The following POT1 variants were observed in gnomAD, a reference collection of about 807,000 sequenced individuals.
The protein encoded by POT1 is protection of telomeres protein 1.
Under a neutral mutation model 78.5 loss-of-function variants are expected in POT1, and 47 were observed. That is an observed-to-expected ratio of 0.60 (90% CI 0.47 to 0.76). The LOEUF (loss-of-function observed/expected upper bound fraction) is 0.76, where lower values mean the gene tolerates loss of function less well. POT1 is among the 30% of genes least tolerant of loss of function. The pLI is 0.00. For synonymous variants in POT1, 259 were observed against 260.7 expected (o/e 0.99, Z 0.06); for missense variants, 646 against 749.9 (o/e 0.86, Z 1.62).
chr7:124,874,240 G>T (rs1347962531), intron 6 of POT1, among the ~76,000 whole-genome samples: 1 of 152,080 alleles, frequency 6.6e-6, no homozygotes, highest in Non-Finnish European at 1.5e-5. Context: ...CAGCCTAGTT[G>T]GAAGTTCTCA....
At chr7:124,918,746 C>G (rs551857033) in intron 2 of POT1, among the ~76,000 whole-genome samples, 1 of 152,216 alleles carries the variant, frequency 6.6e-6, no homozygotes, top group South Asian at 2.1e-4. Context: ...TAGCTATTCC[C>G]TTAAATTCCA....
At chr7:124,834,349 C>CCAT (rs1361222159) in intron 15 of POT1, among the ~76,000 whole-genome samples, 18 of 151,900 alleles carry the variant, frequency 1.2e-4, no homozygotes, top group Admixed American at 1.1e-3. Context: ...TTTTTGCAAT[C>CCAT]CATCTGACAA....
intron 11 of POT1, among the ~76,000 whole-genome samples, chr7:124,848,043 A>G (rs1010203290): frequency 1.3e-5 from 2 of 152,240 alleles, no homozygotes; most frequent in African/African-American, 4.8e-5. Context: ...ATTAAAAAGG[A>G]AACAAACTAA....
At position 124,900,427 on chromosome 7, in the gene POT1, C is replaced by A. The variant is rs906700877; in HGVS notation, c.-153-2053G>T. On this transcript the variant is annotated intron_variant, in intron 3 of 18. Coordinates refer to ENST00000357628, the MANE Select transcript of POT1 (RefSeq NM_015450.3). ...CTACCTTCCTCTAAACTCTCCTATA[C>A]AGCGTTTTAGCATTTTTCACTTTGT... Among the ~76,000 whole-genome samples the A allele has an allele frequency of 2.0e-5, 3 of 152,116 alleles. No homozygotes were observed. The East Asian group carries it at 5.8e-4, about 29-fold the overall frequency.
intron 6 of POT1, among the ~76,000 whole-genome samples, chr7:124,876,242 T>C (rs1038452728): frequency 1.3e-5 from 2 of 152,252 alleles, no homozygotes; most frequent in African/African-American, 4.8e-5. Flanking sequence ...GACTTTGCTA[T>C]GTTTATATCC....
At chr7:124,860,404 TGTTA>T (rs1795561866) in intron 8 of POT1, among the ~76,000 whole-genome samples, 2 of 152,198 alleles carry the variant, frequency 1.3e-5, no homozygotes, top group African/African-American at 4.8e-5. Context: ...AATTCTCTAT[TGTTA>T]GTATTTGTTT....
At chr7:124,892,525 C>T (rs532250717) in intron 5 of POT1, 145 bp from the exon 6 acceptor site, 1 of 448,490 alleles carries the variant, frequency 2.2e-6, no homozygotes, top group African/African-American at 2.1e-5. Flanking sequence ...TAAGGCAATG[C>T]ACACAGCTTA....
chr7:124,917,100 C>G (rs1426586203), intron 2 of POT1, among the ~76,000 whole-genome samples: 6 of 152,078 alleles, frequency 3.9e-5, no homozygotes, highest in African/African-American at 1.4e-4. Context: ...AAGGCCCAGA[C>G]CTATACAGCT....
intron 9 of POT1, among the ~76,000 whole-genome samples, chr7:124,856,677 G>A (rs1025679543): frequency 1.1e-4 from 17 of 152,244 alleles, no homozygotes; most frequent in African/African-American, 4.1e-4. Context: ...TACATTGGAA[G>A]ACCTGTTTGG....
At chr7:124,851,044 T>C (rs1202833545) in intron 11 of POT1, among the ~76,000 whole-genome samples, 1 of 151,962 alleles carries the variant, frequency 6.6e-6, no homozygotes, top group Non-Finnish European at 1.5e-5. Flanking sequence ...GGCAGGAGGA[T>C]TGCTTGAGAC....
chr7:124,835,328 A>T lies in POT1; in HGVS notation c.1456T>A (p.Leu486Met). The change falls in exon 15 of 19, where the codon TTG becomes ATG. Residue 486 changes from leucine to methionine, a missense_variant. Leu to Met is a conservative substitution (Grantham distance 15). Coordinates refer to ENST00000357628, the MANE Select transcript of POT1 (RefSeq NM_015450.3). Reference protein sequence around the residue: ...VRSGHEDLELLDLSAPFLIQG... With the variant: ...VRSGHEDLELMDLSAPFLIQG... Reference sequence around the variant, plus strand: ...ATAAGAAATGGTGCTGAAAGGTCCAAAAGTTCCAGGTCTTCGTGGCCAGAT... The same window carrying T: ...ATAAGAAATGGTGCTGAAAGGTCCATAAGTTCCAGGTCTTCGTGGCCAGAT... 2 of 1,614,128 alleles carry T rather than the reference A, an allele frequency of 1.2e-6. No individual in the cohort carries two copies. The highest frequency in any genetic ancestry group is 1.7e-6 in the Non-Finnish European group (2 of 1,179,992).
At chr7:124,844,886 G>A (rs1340213876) in intron 12 of POT1, among the ~76,000 whole-genome samples, 1 of 152,034 alleles carries the variant, frequency 6.6e-6, no homozygotes, top group East Asian at 1.9e-4. Context: ...AAGGAAAATT[G>A]CAAAAACAAT....
At chr7:124,925,916 T>G in intron 2 of POT1, among the ~76,000 whole-genome samples, 1 of 151,256 alleles carries the variant, frequency 6.6e-6, no homozygotes, top group Non-Finnish European at 1.5e-5. Flanking sequence ...TGCAGAAGAG[T>G]GAAACTGGAA....
intron 6 of POT1, among the ~76,000 whole-genome samples, chr7:124,888,529 T>C (rs958818701): frequency 7.2e-5 from 11 of 152,042 alleles, no homozygotes; most frequent in East Asian, 3.8e-4. Context: ...AGGGAATACA[T>C]TGAATCTGAG....
intron 3 of POT1, among the ~76,000 whole-genome samples, chr7:124,899,715 T>G (rs1438906996): frequency 5.5e-5 from 8 of 144,778 alleles, no homozygotes; most frequent in African/African-American, 2.1e-4. Flanking sequence ...AAGCCAACAG[T>G]TTATCAGTTC....
In POT1 at chr7:124,859,100, T is replaced by C. The variant is rs1562990976; in HGVS notation, c.559A>G (p.Thr187Ala). 3 of 1,595,034 alleles carry C rather than the reference T, an allele frequency of 1.9e-6. No individual in the cohort carries two copies. Among genetic ancestry groups the C allele is most frequent in the Non-Finnish European group, 2.6e-6 (3 of 1,169,374 alleles). Residue 187 changes from threonine to alanine, a missense_variant, in exon 9 of 19, where the codon ACC becomes GCC. Around this residue, in one of 2 missense-constraint regions of POT1, gnomAD observed 252 missense variants for 341.4 expected, o/e 0.74. Coordinates refer to ENST00000357628, the MANE Select transcript of POT1 (RefSeq NM_015450.3). ...CTCCAAGATGGAAATGGTGTCCTGG[T>C]GCCATCCCATACCTGCCATAAGAGA... ...ASFLLKVWDG[T>A]RTPFPSWRVL...
At chr7:124,909,013 CAAG>C (rs1334773624) in intron 3 of POT1, among the ~76,000 whole-genome samples, 1 of 151,820 alleles carries the variant, frequency 6.6e-6, no homozygotes, top group African/African-American at 2.4e-5. Context: ...TGAACCAAGA[CAAG>C]AAGCCAAATC....
At chr7:124,889,419 A>C (rs1796316754) in intron 6 of POT1, among the ~76,000 whole-genome samples, 1 of 152,088 alleles carries the variant, frequency 6.6e-6, no homozygotes, top group Non-Finnish European at 1.5e-5. Context: ...GTGAAACAGC[A>C]AGTAGCAAGT....
chr7:124,923,636 A>T (rs1386417387), intron 2 of POT1, among the ~76,000 whole-genome samples: 1 of 151,860 alleles, frequency 6.6e-6, no homozygotes, highest in Non-Finnish European at 1.5e-5. Flanking sequence ...AAACTTCCTA[A>T]GTCTAGCAAG....
Sources: allele counts gnomAD v4.1 joint callset (sites outside exome capture counted in the v4.1 genomes callset), GRCh38; gene constraint gnomAD v4.1.1; regional missense constraint gnomAD v4.1.1; transcripts MANE v1.5; gene names NCBI Gene and HGNC (gene_info 2026-07-23, HGNC 2026-07-21).